KCNH1: variants seen among roughly 807,000 people sequenced by gnomAD.
KCNH1 encodes voltage-gated delayed rectifier potassium channel KCNH1.
KCNH1 carries 27 observed loss-of-function variants against 69.2 expected under a neutral mutation model. The ratio of observed to expected loss-of-function variants is 0.39; its 90% confidence interval spans 0.29 to 0.54. The LOEUF (loss-of-function observed/expected upper bound fraction) is 0.54, where lower values mean the gene tolerates loss of function less well. Ranked by LOEUF, KCNH1 falls within the 20% of genes least tolerant of loss-of-function variation. The probability of loss-of-function intolerance (pLI) is 0.68; values close to 1 mark genes in which losing one functional copy is unlikely to be tolerated. For synonymous variants in KCNH1, 456 were observed against 487.7 expected (o/e 0.93, Z 0.86); for missense variants, 798 against 1,261.6 (o/e 0.63, Z 5.57).
At position 210,919,842 on chromosome 1, in the gene KCNH1, G is replaced by A; in HGVS notation, c.1260C>T (p.Tyr420=). The A allele has an allele frequency of 6.2e-7, 1 of 1,614,120 alleles. No homozygotes were observed. Among genetic ancestry groups the A allele is most frequent in the Non-Finnish European group, 8.5e-7 (1 of 1,180,006 alleles). The change falls in exon 7 of 11, where the codon TAC becomes TAT. Residue 420 remains tyrosine (Y), a synonymous_variant. Coordinates refer to ENST00000271751, the MANE Select transcript of KCNH1 (RefSeq NM_172362.3). This position sits in a 1 kb window ranked among gnomAD's most constrained non-coding sequence, Gnocchi z 4.2. ...TKTIRNNSWL[Y]QLAMDIGTPY... is the part of the protein sequence containing the mutation. The stretch of plus-strand genomic sequence containing the variant: ...GGGTGCCAATGTCCATCGCTAGTTG[G>A]TACAGCCAGCTGTTGTTGCGGATTG...
chr1:210,898,748 C>T (rs553022902), intron 7 of KCNH1, among the ~76,000 whole-genome samples: 2 of 152,126 alleles, frequency 1.3e-5, no homozygotes, highest in East Asian at 3.9e-4. Context: ...GAATTTGTAG[C>T]CAGGTCTAAG....
At chr1:210,781,317 G>A (rs1415830814) in intron 9 of KCNH1, among the ~76,000 whole-genome samples, 1 of 152,120 alleles carries the variant, frequency 6.6e-6, no homozygotes, top group African/African-American at 2.4e-5. Context: ...GGGAGGCTGA[G>A]AGAGGTGCCA....
intron 9 of KCNH1, among the ~76,000 whole-genome samples, chr1:210,785,529 C>T (rs570400442): frequency 1.3e-5 from 2 of 152,120 alleles, no homozygotes; most frequent in East Asian, 3.9e-4. Context: ...GGATTACAGG[C>T]ACCTACCACC....
intron 6 of KCNH1, among the ~76,000 whole-genome samples, chr1:210,982,294 A>C (rs1221928835): frequency 6.6e-6 from 1 of 151,914 alleles, no homozygotes; most frequent in Non-Finnish European, 1.5e-5. Context: ...TTTAGGGTAA[A>C]GTTTTAGGGT....
At chr1:210,756,380 A>T (rs74156066) in intron 10 of KCNH1, among the ~76,000 whole-genome samples, 9,372 of 152,276 alleles carry the variant, frequency 0.062, 946 homozygotes, top group African/African-American at 0.21. Flanking sequence ...TCCTTTAAAA[A>T]TTCATACTTT....
chr1:211,125,723 T>G (rs1691766640), intron 1 of KCNH1, among the ~76,000 whole-genome samples: 1 of 152,218 alleles, frequency 6.6e-6, no homozygotes, highest in Non-Finnish European at 1.5e-5. Flanking sequence ...GTTTCTCTTC[T>G]TTATAGAAGC....
intron 5 of KCNH1, among the ~76,000 whole-genome samples, chr1:211,024,912 T>G (rs945131481): frequency 6.6e-6 from 1 of 151,804 alleles, no homozygotes; most frequent in Non-Finnish European, 1.5e-5. Flanking sequence ...AGTGAATGAG[T>G]CAACTCTAAG....
At chr1:210,864,741 G>A (rs1050912423) in intron 7 of KCNH1, among the ~76,000 whole-genome samples, 3 of 152,168 alleles carry the variant, frequency 2.0e-5, no homozygotes, top group Admixed American at 6.5e-5. Flanking sequence ...TTCTGAGCAC[G>A]AGAAATTTAG....
intron 6 of KCNH1, among the ~76,000 whole-genome samples, chr1:210,952,873 A>G (rs746258909): frequency 8.5e-5 from 13 of 152,216 alleles, no homozygotes; most frequent in Non-Finnish European, 1.3e-4. Context: ...TGTGCATTAC[A>G]TAAGCTAGGC....
intron 7 of KCNH1, among the ~76,000 whole-genome samples, chr1:210,817,377 C>T (rs1056388673): frequency 6.6e-6 from 1 of 152,172 alleles, no homozygotes; most frequent in Non-Finnish European, 1.5e-5. Flanking sequence ...ATAACAACAA[C>T]TGATGCTTAT....
intron 10 of KCNH1, among the ~76,000 whole-genome samples, chr1:210,722,367 C>T (rs1238702738): frequency 1.3e-5 from 2 of 152,162 alleles, no homozygotes; most frequent in African/African-American, 4.8e-5. Context: ...GAAAACCTCC[C>T]TCCATTATTT....
chr1:211,075,408 C>T (rs1434610193), intron 5 of KCNH1, among the ~76,000 whole-genome samples: 1 of 152,150 alleles, frequency 6.6e-6, no homozygotes, highest in South Asian at 2.1e-4. Flanking sequence ...GGTAGTGTCT[C>T]CACTAGAGGT....
intron 5 of KCNH1, among the ~76,000 whole-genome samples, chr1:211,071,440 T>A (rs1288606265): frequency 5.3e-5 from 8 of 152,184 alleles, no homozygotes; most frequent in Admixed American, 5.2e-4. Context: ...AGGATTAGCG[T>A]CACAACATTT....
chr1:210,790,049 G>A (rs1483029011), intron 9 of KCNH1, among the ~76,000 whole-genome samples: 1 of 152,248 alleles, frequency 6.6e-6, no homozygotes, highest in Non-Finnish European at 1.5e-5. Context: ...AGCCTCCTGA[G>A]TAGCTGGGGC....
At chr1:210,842,487 G>T (rs1685432022) in intron 7 of KCNH1, among the ~76,000 whole-genome samples, 1 of 152,046 alleles carries the variant, frequency 6.6e-6, no homozygotes, top group Non-Finnish European at 1.5e-5. Context: ...TAGTAAGCCG[G>T]GCATGTTAGC....
At chr1:210,856,296 T>C (rs1304297746) in intron 7 of KCNH1, among the ~76,000 whole-genome samples, 1 of 152,168 alleles carries the variant, frequency 6.6e-6, no homozygotes, top group Non-Finnish European at 1.5e-5. Context: ...CCCACTCACA[T>C]AATGCCAAAA....
At chr1:210,931,382 T>G (rs1163460388) in intron 6 of KCNH1, among the ~76,000 whole-genome samples, 3 of 152,174 alleles carry the variant, frequency 2.0e-5, no homozygotes, top group African/African-American at 7.2e-5. Flanking sequence ...TGGATGGAAT[T>G]GGAGACTATT....
At chr1:210,954,151 C>T (rs541834674) in intron 6 of KCNH1, among the ~76,000 whole-genome samples, 8 of 151,858 alleles carry the variant, frequency 5.3e-5, no homozygotes, top group South Asian at 4.2e-4. Context: ...TGAGAACATG[C>T]GGTGTTTGGT....
chr1:210,880,056 G>A (rs1026109954), intron 7 of KCNH1, among the ~76,000 whole-genome samples: 3 of 152,034 alleles, frequency 2.0e-5, no homozygotes, highest in Admixed American at 6.6e-5. Flanking sequence ...ATCTATGTGA[G>A]GAAAACTACA....
Sources: gnomAD v4.1 joint callset for allele counts (sites outside exome capture counted in the v4.1 genomes callset) on GRCh38, gnomAD v4.1.1 for gene constraint, Gnocchi (gnomAD v3.1) non-coding constraint, MANE v1.5 for transcripts, NCBI Gene and HGNC (gene_info 2026-07-23, HGNC 2026-07-21) for gene names.